MTM1: variants seen among roughly 807,000 people sequenced by gnomAD.
The protein encoded by MTM1 is myotubularin.
A neutral mutation model predicts 52.1 loss-of-function variants in MTM1; 9 were observed. The ratio of observed to expected loss-of-function variants is 0.17; its 90% confidence interval spans 0.10 to 0.30. The LOEUF (loss-of-function observed/expected upper bound fraction) is 0.30. MTM1 is among the 10% of genes least tolerant of loss of function. The pLI, the probability that MTM1 is intolerant of heterozygous loss-of-function variation, is 1.00. For missense variants in MTM1, 277 were observed against 470.7 expected (o/e 0.59, Z 3.81); for synonymous variants, 136 against 163.8 (o/e 0.83, Z 1.29).
At chrX:150,612,494 C>A (rs1005040236) in intron 4 of MTM1, among the ~76,000 whole-genome samples, 20 of 110,912 alleles carry the variant, frequency 1.8e-4, no homozygotes, top group African/African-American at 6.6e-4. Context: ...GAGTTTGAGA[C>A]CAGCCTGGAC....
chrX:150,582,474 A>C (rs782360695), intron 1 of MTM1, among the ~76,000 whole-genome samples: 1 of 111,616 alleles, frequency 9.0e-6, no homozygotes, highest in Non-Finnish European at 1.9e-5. Flanking sequence ...GATATACTGA[A>C]GCCCTAGTCC....
intron 6 of MTM1, among the ~76,000 whole-genome samples, chrX:150,620,131 A>G (rs2039452320): frequency 8.9e-6 from 1 of 112,210 alleles, no homozygotes; most frequent in Admixed American, 9.4e-5. Context: ...TTATTATGAA[A>G]GTGAGAATGT....
intron 1 of MTM1, among the ~76,000 whole-genome samples, chrX:150,579,839 A>T (rs2038548009): frequency 9.0e-6 from 1 of 111,541 alleles, no homozygotes; most frequent in African/African-American, 3.3e-5. Flanking sequence ...GTTCATTGCT[A>T]ACAATACAAA....
At chrX:150,612,473 C>G (rs1275180213) in intron 4 of MTM1, among the ~76,000 whole-genome samples, 1 of 111,602 alleles carries the variant, frequency 9.0e-6, no homozygotes, top group Non-Finnish European at 1.9e-5. Flanking sequence ...AGGAGGATTG[C>G]TTGAGCCCAG....
chrX:150,597,767 C>A (rs1468537725), intron 3 of MTM1, among the ~76,000 whole-genome samples: 1 of 111,301 alleles, frequency 9.0e-6, no homozygotes, highest in Admixed American at 9.6e-5. Flanking sequence ...TTGAAATGAA[C>A]CTAGCCAAAC....
chrX:150,575,132 A>G (rs782097370), intron 1 of MTM1, among the ~76,000 whole-genome samples: 2 of 112,413 alleles, frequency 1.8e-5, no homozygotes, highest in Non-Finnish European at 3.8e-5. Flanking sequence ...ATATGTATGA[A>G]ATGCAATCTT....
intron 4 of MTM1, among the ~76,000 whole-genome samples, chrX:150,608,172 G>A (rs1326932391): frequency 7.2e-5 from 8 of 111,098 alleles, no homozygotes; most frequent in Admixed American, 1.9e-4. Context: ...GATGTCCTCG[G>A]CCTTGCCCAC....
intron 4 of MTM1, among the ~76,000 whole-genome samples, chrX:150,605,225 A>G (rs1441750021): frequency 1.8e-5 from 2 of 112,090 alleles, no homozygotes; most frequent in Non-Finnish European, 3.8e-5. Context: ...GTCATTTCAC[A>G]CATCCCTTTT....
intron 9 of MTM1, among the ~76,000 whole-genome samples, chrX:150,648,948 G>A (rs146115064): frequency 6.9e-4 from 78 of 112,507 alleles, no homozygotes; most frequent in African/African-American, 2.3e-3. Flanking sequence ...GTTAACTAGC[G>A]TCTCTGAGTT....
At chrX:150,595,913 G>A in intron 2 of MTM1, among the ~76,000 whole-genome samples, 1 of 112,546 alleles carries the variant, frequency 8.9e-6, no homozygotes. Flanking sequence ...ACTTTTGCCA[G>A]CTCAAAAGTT....
At chrX:150,603,362 T>C (rs1004573434) in intron 4 of MTM1, among the ~76,000 whole-genome samples, 5 of 111,618 alleles carry the variant, frequency 4.5e-5, no homozygotes, top group African/African-American at 1.6e-4. Flanking sequence ...CAATGACATA[T>C]CCAATGTGAT....
intron 6 of MTM1, among the ~76,000 whole-genome samples, chrX:150,622,496 T>C (rs1049658216): frequency 2.7e-5 from 3 of 111,960 alleles, no homozygotes; most frequent in African/African-American, 9.8e-5. Flanking sequence ...GAGTGATACC[T>C]AGTCCCATTG....
At chrX:150,612,032 C>T (rs782087547) in intron 4 of MTM1, among the ~76,000 whole-genome samples, 1 of 110,439 alleles carries the variant, frequency 9.1e-6, no homozygotes, top group Admixed American at 9.7e-5. Flanking sequence ...CCCATCTCTA[C>T]AAAAGTACAA....
intron 9 of MTM1, among the ~76,000 whole-genome samples, chrX:150,646,271 C>T (rs1557413976): frequency 8.9e-6 from 1 of 112,366 alleles, no homozygotes; most frequent in African/African-American, 3.2e-5. Context: ...ACTCCCTCCC[C>T]CATACCCGTA....
chrX:150,569,677 T>C (rs2038332578), intron 1 of MTM1, among the ~76,000 whole-genome samples: 1 of 111,688 alleles, frequency 9.0e-6, no homozygotes, highest in African/African-American at 3.3e-5. Flanking sequence ...CTAGTCTGGA[T>C]TCTTTTTACC....
chrX:150,651,150 T>C (rs944493065), intron 10 of MTM1, among the ~76,000 whole-genome samples: 8 of 112,231 alleles, frequency 7.1e-5, no homozygotes, highest in Admixed American at 9.5e-5. Context: ...TATACCATTT[T>C]CCCATTCACA....
intron 10 of MTM1, among the ~76,000 whole-genome samples, chrX:150,651,358 C>T (rs2040016959): frequency 9.0e-6 from 1 of 110,966 alleles, no homozygotes; most frequent in African/African-American, 3.3e-5. Context: ...AATATTTATA[C>T]ATTATTAACT....
chrX:150,633,917 C>T (rs1211171123), intron 6 of MTM1, among the ~76,000 whole-genome samples: 2 of 112,181 alleles, frequency 1.8e-5, no homozygotes, highest in Non-Finnish European at 3.8e-5. Flanking sequence ...TGCCTGTAGT[C>T]CCAGCTACTC....
intron 4 of MTM1, among the ~76,000 whole-genome samples, chrX:150,603,808 G>A (rs1319784256): frequency 9.0e-6 from 1 of 111,702 alleles, no homozygotes; most frequent in Non-Finnish European, 1.9e-5. Flanking sequence ...TTCATGAGCT[G>A]GGAAGAGTAT....
Sources: gnomAD v4.1 joint callset for allele counts (sites outside exome capture counted in the v4.1 genomes callset) on GRCh38, gnomAD v4.1.1 for gene constraint, MANE v1.5 for transcripts, NCBI Gene and HGNC (gene_info 2026-07-23, HGNC 2026-07-21) for gene names.